The following IGFLR1 variants were observed in gnomAD, a reference collection of about 807,000 sequenced individuals.
IGFLR1 encodes IGF-like family receptor 1.
In IGFLR1, 17 loss-of-function variants were observed where a neutral mutation model predicts 23.4. The ratio of observed to expected loss-of-function variants is 0.73; its 90% CI spans 0.50 to 1.09. The LOEUF (loss-of-function observed/expected upper bound fraction) is 1.09, where lower values mean the gene tolerates loss of function less well. Among genes scored for constraint, IGFLR1 ranks in the 50% least tolerant of loss-of-function variants. The probability of loss-of-function intolerance (pLI) is 0.00; values close to 1 mark genes in which losing one functional copy is unlikely to be tolerated. For missense variants in IGFLR1, 556 were observed against 459.2 expected, an observed-to-expected ratio of 1.21 and a Z score of -1.93; for synonymous variants, 265 against 210.7, an observed-to-expected ratio of 1.26 and a Z score of -2.23.
In IGFLR1 at chr19:35,741,056, C is replaced by T. The variant is rs780108167; in HGVS notation, c.125G>A (p.Cys42Tyr). The change falls in exon 2 of 5, where the codon TGC (cysteine) becomes TAC (tyrosine). Residue 42 changes from cysteine to tyrosine, a missense_variant. Physicochemically the swap from Cys to Tyr is radical, Grantham distance 194 (BLOSUM62 -2). Coordinates refer to ENST00000246532, the MANE Select transcript of IGFLR1 (RefSeq NM_024660.4). ...WNPDNKCCSS[C>Y]LQRFGPPPCP... ...GGGGGGCGGCCCGAAGCGTTGCAGG[C>T]AGCTGCTGCAGCACTTGTTGTCTGG... 3.4e-5 allele frequency: 54 copies of T among 1,608,342 alleles called. No individual in the cohort carries two copies. Among genetic ancestry groups the T allele is most frequent in the Middle Eastern group, 3.4e-4 (2 of 5,966 alleles).
Position 35,739,787 on chromosome 19 carries a change from G to A in IGFLR1, c.644C>T (p.Ser215Leu). 1.3e-6 allele frequency: 2 copies of A among 1,575,040 alleles called. No homozygotes were observed. The highest frequency in any genetic ancestry group is 1.7e-6 in the Non-Finnish European group (2 of 1,157,392). Residue 215 changes from serine (S) to leucine (L), a missense_variant, in exon 4 of 5, where the codon TCG becomes TTG. Physicochemically the swap from Ser to Leu is moderately radical, Grantham distance 145. Transcript: ENST00000246532. ...GVPNTHTPSS[S>L]HLSSPGALET... ...CAGGGCGCCTGGGGAGGACAGATGC[G>A]AGGAGGAAGGGGTGTGGGTGTTGGG...
rs773823499 is a variant in IGFLR1, at chr19:35,739,330, C to T, written c.1018G>A (p.Ala340Thr). ...CCAAGCTTGGACAGCACCCGCAATGCATCTGCCCGCCCTAGCTGGGCGAGG... is the reference window on the plus strand; with the variant it reads ...CCAAGCTTGGACAGCACCCGCAATGTATCTGCCCGCCCTAGCTGGGCGAGG... ...THLAQLGRAD[A>T]LRVLSKLGSS... Residue 340 changes from alanine (A) to threonine (T), a missense_variant, in exon 5 of 5, where the codon GCA (alanine) becomes ACA (threonine). Physicochemically the swap from Ala to Thr is moderately conservative, Grantham distance 58. Transcript: ENST00000246532. 9.9e-6 allele frequency: 16 copies of T among 1,609,460 alleles called. No homozygotes were observed. The highest frequency in any genetic ancestry group is 1.3e-5 in the Non-Finnish European group (15 of 1,177,812).
At chr19:35,741,971 C>T (rs767373382) in intron 1 of IGFLR1, among the ~76,000 whole-genome samples, 2 of 152,024 alleles carry the variant, frequency 1.3e-5, no homozygotes, top group Non-Finnish European at 2.9e-5. Context: ...ATTAGCCGGG[C>T]GTGGTAGCGC....
Position 35,739,167 on chromosome 19 carries a change from A to G in IGFLR1, c.*113T>C. 1.9e-6 allele frequency: 2 copies of G among 1,049,296 alleles called. No individual in the cohort carries two copies. Among genetic ancestry groups the G allele is most frequent in the East Asian group, 2.6e-5 (1 of 38,050 alleles). The allele number at this position is 1,049,296 out of a possible 1,614,324, so 65.0% of individuals were successfully genotyped here. ...GTTGGAATAGGCCCTTCTAGGGCGAAGAGCAGTGAGGCTATCTGTTGGGTC... is the reference window on the plus strand; with the variant it reads ...GTTGGAATAGGCCCTTCTAGGGCGAGGAGCAGTGAGGCTATCTGTTGGGTC... On this transcript the variant is annotated 3_prime_UTR_variant, in exon 5 of 5. Coordinates refer to ENST00000246532, the MANE Select transcript of IGFLR1 (RefSeq NM_024660.4).
chr19:35,740,507 G>C lies in IGFLR1; in HGVS notation c.215C>G (p.Pro72Arg), dbSNP rs772204072. ...LNDHGDFVTP[P>R]FRKCSSGQCN... ...CTGCCCAGAAGAACACTTTCGGAAC[G>C]GGGGCGTTACGAAATCGCCGTGGTC... Residue 72 changes from proline (P) to arginine (R), a missense_variant, in exon 3 of 5, where the codon CCG (proline) becomes CGG (arginine). Transcript: ENST00000246532. The C allele has an allele frequency of 1.2e-5, 19 of 1,612,864 alleles. No individual in the cohort carries two copies. Among genetic ancestry groups the C allele is most frequent in the Non-Finnish European group, 1.5e-5 (18 of 1,179,768 alleles).
At position 35,739,261 on chromosome 19, in the gene IGFLR1, C is replaced by A. The variant is rs1395496409; in HGVS notation, c.*19G>T. On this transcript the variant is annotated 3_prime_UTR_variant, in exon 5 of 5. Transcript: ENST00000246532. ...ATTGTATACTGGGCTTAGTAGTCAG[C>A]AAAGTTCTTTATTGGGTGTTAAGCC... 2.0e-6 allele frequency: 3 copies of A among 1,536,198 alleles called. No individual in the cohort carries two copies. The Admixed American group carries it at 5.8e-5, about 30-fold the overall frequency.
Position 35,740,578 on chromosome 19 carries a change from T to G in IGFLR1, c.158-14A>C. The G allele has an allele frequency of 6.3e-7, 1 of 1,584,796 alleles. No homozygotes were observed. Among genetic ancestry groups the G allele is most frequent in the Non-Finnish European group, 8.6e-7 (1 of 1,163,768 alleles). On this transcript the variant is annotated splice_polypyrimidine_tract_variant and intron_variant, in intron 2 of 4. Transcript: ENST00000246532. ...GGAACTCATAGTCTAGCGGGAAAGCTGCGCTCCAGTGCGGCCGCCTAGCCC... is the reference window on the plus strand; with the variant it reads ...GGAACTCATAGTCTAGCGGGAAAGCGGCGCTCCAGTGCGGCCGCCTAGCCC...
At chr19:35,740,973 C>G (rs776031755) in intron 2 of IGFLR1, 51 bp downstream of exon 2, 1 of 1,576,612 alleles carries the variant, frequency 6.3e-7, no homozygotes, top group Non-Finnish European at 8.7e-7. Flanking sequence ...CTTCCCCGCT[C>G]CCTATCACCT....
chr19:35,741,122 G>T lies in IGFLR1; in HGVS notation c.59C>A (p.Pro20Gln), dbSNP rs1970206778. 1 of 1,600,988 alleles carries T rather than the reference G, an allele frequency of 6.2e-7. No individual in the cohort carries two copies. The highest frequency in any genetic ancestry group is 1.3e-5 in the African/African-American group (1 of 74,558). The change falls in exon 2 of 5, where the codon CCG becomes CAG. Residue 20 changes from proline to glutamine, a missense_variant. By Grantham distance (76) the Pro-to-Gln change is moderately conservative. Transcript: ENST00000246532. ...ALLLLALAPP[P>Q]EASQYCGRLE... ...GCGGCCGCAGTACTGGGAGGCTTCC[G>T]GCGGTGGCGCCAGGGCCAGAAGCAA...
rs758380772 is a variant in IGFLR1, at chr19:35,739,926, G to A, written c.505C>T (p.Leu169=). Residue 169 remains leucine (L), a synonymous_variant, in exon 4 of 5, where the codon CTG becomes TTG. Transcript: ENST00000246532. The part of the protein sequence containing the change: ...PNFLPLVVLV[L]LLTLAVIAIL... The stretch of plus-strand genomic sequence containing the variant: ...GCTATCACCGCCAAGGTCAGGAGCA[G>A]GACCAGCACCACGAGCGGAAGGAAA... 1.2e-6 allele frequency: 2 copies of A among 1,614,196 alleles called. No homozygotes were observed. Among genetic ancestry groups the A allele is most frequent in the Admixed American group, 1.7e-5 (1 of 60,030 alleles).
Position 35,739,439 on chromosome 19 carries a change from C to T in IGFLR1, c.909G>A (p.Arg303=), listed in dbSNP as rs1970069290. 4 of 1,613,938 alleles carry T rather than the reference C, an allele frequency of 2.5e-6. No individual in the cohort carries two copies. The South Asian group carries it at 3.3e-5, about 13-fold the overall frequency. Residue 303 remains arginine (R), a synonymous_variant, in exon 5 of 5, where the codon AGG becomes AGA. Transcript: ENST00000246532. ...AAWSTFAYSL[R]PSRSPLRALI... ...GAGCCCGCAGCGGCGAGCGACTCGG[C>T]CTCAGCGAATAGGCAAAGGTGGACC...
At chr19:35,742,072 G>C (rs1970278037) in intron 1 of IGFLR1, among the ~76,000 whole-genome samples, 1 of 150,980 alleles carries the variant, frequency 6.6e-6, no homozygotes, top group East Asian at 2.0e-4. Flanking sequence ...TCGTGCCATT[G>C]CACTCCAGCC....
Position 35,741,187 on chromosome 19 carries a change from G to A in IGFLR1, c.-7C>T. ...GGCATCGTCCAGGCCCCATCTGGGG[G>A]GCCGTGATAGCGGGACTTCCAAACA... On this transcript the variant is annotated 5_prime_UTR_variant, in exon 2 of 5. Transcript: ENST00000246532. 1 of 1,610,538 alleles carries A rather than the reference G, an allele frequency of 6.2e-7. No homozygotes were observed. The highest frequency in any genetic ancestry group is 8.5e-7 in the Non-Finnish European group (1 of 1,178,962).
At chr19:35,742,267 C>T (rs1455997632) in intron 1 of IGFLR1, 129 bp downstream of exon 1, 5 of 703,448 alleles carry the variant, frequency 7.1e-6, no homozygotes, top group Non-Finnish European at 1.1e-5. Flanking sequence ...CTCACCTCAC[C>T]TTTGAATCCT....
chr19:35,742,062 T>C (rs1368430773), intron 1 of IGFLR1, among the ~76,000 whole-genome samples: 4 of 151,466 alleles, frequency 2.6e-5, no homozygotes, highest in African/African-American at 9.7e-5. Flanking sequence ...TGAGCTGAGA[T>C]CGTGCCATTG....
chr19:35,742,408 G>C lies in IGFLR1; in HGVS notation c.-56C>G. 6.5e-7 allele frequency: 1 copy of C among 1,532,848 alleles called. No homozygotes were observed. The highest frequency in any genetic ancestry group is 8.7e-7 in the Non-Finnish European group (1 of 1,145,140). The allele number at this position is 1,532,848 out of a possible 1,614,324, so 95.0% of individuals were successfully genotyped here. On this transcript the variant is annotated 5_prime_UTR_variant, in exon 1 of 5. Transcript: ENST00000246532. ...ACCCTACCAGTACCGTTAGGGTCCT[G>C]GGTCCCAAGCTGGCCGTGCCAAGTT...
At chr19:35,741,834 G>A (rs544843999) in intron 1 of IGFLR1, among the ~76,000 whole-genome samples, 2 of 151,674 alleles carry the variant, frequency 1.3e-5, no homozygotes, top group African/African-American at 2.4e-5. Context: ...ACTGGCCGCC[G>A]GGCGCAGTGG....
Position 35,739,427 on chromosome 19 carries a change from C to T in IGFLR1, c.921G>A (p.Ser307=), listed in dbSNP as rs759416221. 1.1e-5 allele frequency: 17 copies of T among 1,613,770 alleles called. No homozygotes were observed. Among genetic ancestry groups the T allele is most frequent in the East Asian group, 6.7e-5 (3 of 44,892 alleles). Reference sequence around the variant, plus strand: ...CCATCTCAATCAGAGCCCGCAGCGGCGAGCGACTCGGCCTCAGCGAATAGG... The same window carrying T: ...CCATCTCAATCAGAGCCCGCAGCGGTGAGCGACTCGGCCTCAGCGAATAGG... ...TFAYSLRPSR[S]PLRALIEMVV... is the part of the protein sequence containing the mutation. The change falls in exon 5 of 5, where the codon TCG becomes TCA. Residue 307 remains serine (S), a synonymous_variant. Transcript: ENST00000246532.
Position 35,739,268 on chromosome 19 carries a change from C to T in IGFLR1, c.*12G>A, listed in dbSNP as rs376625217. 7 of 1,553,518 alleles carry T rather than the reference C, an allele frequency of 4.5e-6. No homozygotes were observed. The highest frequency in any genetic ancestry group is 2.6e-6 in the Non-Finnish European group (3 of 1,145,176). Reference sequence around the variant, plus strand: ...ACTGGGCTTAGTAGTCAGCAAAGTTCTTTATTGGGTGTTAAGCCCAGCAAA... The same window carrying T: ...ACTGGGCTTAGTAGTCAGCAAAGTTTTTTATTGGGTGTTAAGCCCAGCAAA... On this transcript the variant is annotated 3_prime_UTR_variant, in exon 5 of 5. Transcript: ENST00000246532.
Sources: allele counts gnomAD v4.1 joint callset (sites outside exome capture counted in the v4.1 genomes callset), GRCh38; gene constraint gnomAD v4.1.1; transcripts MANE v1.5; gene names NCBI Gene and HGNC (gene_info 2026-07-23, HGNC 2026-07-21).